FAM20A: variants seen among roughly 807,000 people sequenced by gnomAD.
FAM20A encodes the protein FAM20A golgi associated secretory pathway pseudokinase.
FAM20A carries 42 observed loss-of-function variants against 52.0 expected under a neutral mutation model. The ratio of observed to expected loss-of-function variants is 0.81; its 90% CI spans 0.63 to 1.04. The LOEUF is 1.04. Ranked by LOEUF, FAM20A falls within the 50% of genes least tolerant of loss-of-function variation. The probability of loss-of-function intolerance (pLI) is 0.00; values close to 1 mark genes in which losing one functional copy is unlikely to be tolerated. For missense variants in FAM20A, 742 were observed against 712.7 expected (o/e 1.04, Z -0.47); for synonymous variants, 304 against 298.9 (o/e 1.02, Z -0.18).
chr17:68,585,109 G>A (rs903275251), intron 1 of FAM20A, among the ~76,000 whole-genome samples: 4 of 152,082 alleles, frequency 2.6e-5, no homozygotes, highest in East Asian at 3.9e-4. Flanking sequence ...CCGCTGGCTC[G>A]CCTGTCACAG....
At chr17:68,568,916 A>C (rs59251979) in intron 1 of FAM20A, among the ~76,000 whole-genome samples, 27,022 of 146,140 alleles carry the variant, frequency 0.18, 2,656 homozygotes, top group East Asian at 0.36. Flanking sequence ...GGGTGGGAGC[A>C]GGGGTGGGGA....
rs1015114895 is a variant in FAM20A, at chr17:68,542,758, G to A, written c.864C>T (p.Val288=). The part of the protein sequence containing the change: ...VPPTVGRIVN[V]TKEILEVTKN... Reference sequence around the variant, plus strand: ...TGGTGACCTCTAGGATTTCCTTGGTGACATTTACTATCCTCCCCACTGTTG... The same window carrying A: ...TGGTGACCTCTAGGATTTCCTTGGTAACATTTACTATCCTCCCCACTGTTG... Residue 288 remains valine, a synonymous_variant, in exon 6 of 11, where the codon GTC becomes GTT. Transcript: ENST00000592554. 5 of 1,614,166 alleles carry A rather than the reference G, an allele frequency of 3.1e-6. No homozygotes were observed. Among genetic ancestry groups the A allele is most frequent in the Non-Finnish European group, 4.2e-6 (5 of 1,180,018 alleles).
At chr17:68,540,778 T>C (rs2086250854) in intron 8 of FAM20A, 71 bp downstream of exon 8, 11 of 1,542,480 alleles carry the variant, frequency 7.1e-6, no homozygotes, top group Non-Finnish European at 9.6e-6. Context: ...AAGTTTGTGC[T>C]CAAGGTCACG....
chr17:68,537,882 AC>A lies in FAM20A; in HGVS notation c.1362-142del. 1 of 995,884 alleles carries A rather than the reference AC, an allele frequency of 1.0e-6. No homozygotes were observed. The highest frequency in any genetic ancestry group is 1.5e-6 in the Non-Finnish European group (1 of 659,544). 61.7% of individuals were successfully genotyped at this position (995,884 alleles called of 1,614,324 possible). A position where few individuals can be genotyped will look rare whatever the true frequency, so the allele number is the denominator to read the frequency against. On this transcript the variant is annotated intron_variant, in intron 10 of 10. Transcript: ENST00000592554. The surrounding 1 kb of genome is among the most constrained non-coding windows in gnomAD (Gnocchi z 4.2). ...TCTTCTCAGGCACATTTTAATGGAAACCAGGTAAAAAGGGAACAAATGAAAG... is the reference window on the plus strand; with the variant it reads ...TCTTCTCAGGCACATTTTAATGGAAACAGGTAAAAAGGGAACAAATGAAAG...
chr17:68,567,156 G>A (rs2087399326), intron 1 of FAM20A, among the ~76,000 whole-genome samples: 1 of 151,818 alleles, frequency 6.6e-6, no homozygotes, highest in Non-Finnish European at 1.5e-5. Context: ...ATCTGTAAAG[G>A]ACAAGATAGC....
At chr17:68,590,142 A>G (rs975265433) in intron 1 of FAM20A, 6 of 152,206 alleles carry the variant, frequency 3.9e-5, no homozygotes, top group African/African-American at 1.4e-4. Context: ...ATATTTTTTC[A>G]AAGTGAAAAT....
chr17:68,554,099 T>C (rs1004209862), intron 3 of FAM20A, among the ~76,000 whole-genome samples: 3 of 147,412 alleles, frequency 2.0e-5, no homozygotes, highest in Admixed American at 2.0e-4. Context: ...TATACACACA[T>C]ATATATACAC....
At chr17:68,570,661 C>T (rs745566609) in intron 1 of FAM20A, among the ~76,000 whole-genome samples, 9 of 152,100 alleles carry the variant, frequency 5.9e-5, no homozygotes, top group African/African-American at 1.2e-4. Flanking sequence ...TAGGATGAAC[C>T]GAAATGATAA....
intron 1 of FAM20A, chr17:68,582,657 A>G (rs182273084): frequency 4.7e-4 from 72 of 151,878 alleles, no homozygotes; most frequent in Admixed American, 3.6e-3. Context: ...ACATGATCTG[A>G]CTCCATCTTC....
chr17:68,578,500 T>C (rs535199455), intron 1 of FAM20A, among the ~76,000 whole-genome samples: 1 of 152,342 alleles, frequency 6.6e-6, no homozygotes, highest in Non-Finnish European at 1.5e-5. Context: ...CTCCTCAGCA[T>C]GACCAGTCAC....
chr17:68,559,580 T>C (rs2087152036), intron 1 of FAM20A, among the ~76,000 whole-genome samples: 2 of 152,218 alleles, frequency 1.3e-5, no homozygotes, highest in African/African-American at 4.8e-5. Flanking sequence ...TTGGAAATAG[T>C]TTCCTAAAAA....
At position 68,541,176 on chromosome 17, in the gene FAM20A, T is replaced by C. The variant is rs932738112; in HGVS notation, c.1110-218A>G. The C allele has an allele frequency of 2.1e-5, 12 of 578,988 alleles. No individual in the cohort carries two copies. In the Admixed American group the frequency reaches 2.8e-4, roughly 14 times the overall value. The allele number at this position is 578,988 out of a possible 1,614,324, so 35.9% of individuals were successfully genotyped here. A position where few individuals can be genotyped will look rare whatever the true frequency, so the allele number is the denominator to read the frequency against. Reference sequence around the variant, plus strand: ...TGGGTCCTTTAAGTCTGGTGGACACTAAACCCATGGTTGGGATACTGTGTG... The same window carrying C: ...TGGGTCCTTTAAGTCTGGTGGACACCAAACCCATGGTTGGGATACTGTGTG... On this transcript the variant is annotated intron_variant, in intron 7 of 10. Coordinates refer to ENST00000592554, the MANE Select transcript of FAM20A (RefSeq NM_017565.4).
rs372864017 is a variant in FAM20A, at chr17:68,539,946, A to G, written c.1240T>C (p.Tyr414His). The change falls in exon 9 of 11, where the codon TAT becomes CAT. Residue 414 changes from tyrosine (Y) to histidine (H), a missense_variant. Tyr to His is a moderately conservative substitution (Grantham distance 83). Coordinates refer to ENST00000592554, the MANE Select transcript of FAM20A (RefSeq NM_017565.4). ...FLIGNMDRHH[Y>H]EMFTKFGDDG... ...TCCCCGAACTTGGTGAACATCTCAT[A>G]ATGGTGCCGGTCCATATTCCCTGTG... The G allele has an allele frequency of 5.1e-4, 829 of 1,614,144 alleles. 12 individuals are homozygous for G. In the South Asian group the frequency reaches 7.4e-3, roughly 14 times the overall value.
rs115157514 is a variant in FAM20A at position 68,564,586 on chromosome 17, T to C, written c.405-8843A>G. ...GAGACTGCAGATCATCCAAGGGACCTTGGAATCCTGCTGTAGCTTTTCTGT... is the reference window on the plus strand; with the variant it reads ...GAGACTGCAGATCATCCAAGGGACCCTGGAATCCTGCTGTAGCTTTTCTGT... On this transcript the variant is annotated intron_variant, in intron 1 of 10. Coordinates refer to ENST00000592554, the MANE Select transcript of FAM20A (RefSeq NM_017565.4). Among the ~76,000 whole-genome samples the C allele has an allele frequency of 7.9e-3, 1,201 of 152,328 alleles. 14 individuals carry two copies. Among genetic ancestry groups the C allele is most frequent in the African/African-American group, 0.028 (1,152 of 41,544 alleles).
In FAM20A at chr17:68,536,523, C is replaced by T. The variant is rs1366824346; in HGVS notation, c.*954G>A. 4.4e-6 allele frequency: 2 copies of T among 453,872 alleles called. No homozygotes were observed. The highest frequency in any genetic ancestry group is 4.0e-5 in the African/African-American group (2 of 49,968). 28.1% of individuals were successfully genotyped at this position (453,872 alleles called of 1,614,324 possible). A position where few individuals can be genotyped will look rare whatever the true frequency, so the allele number is the denominator to read the frequency against. ...AAACCTGACTTAGTCTTTTTTGAGC[C>T]AGCCGTCACAGGGAGGGGCATCTAG... On this transcript the variant is annotated 3_prime_UTR_variant, in exon 11 of 11. Transcript: ENST00000592554.
intron 1 of FAM20A, among the ~76,000 whole-genome samples, chr17:68,580,789 C>A (rs2014650200): frequency 6.6e-6 from 1 of 152,122 alleles, no homozygotes; most frequent in African/African-American, 2.4e-5. Context: ...CAGTTTTAAG[C>A]ACTTTGCTCT....
intron 1 of FAM20A, among the ~76,000 whole-genome samples, chr17:68,566,511 C>T (rs1226916657): frequency 6.6e-6 from 1 of 152,076 alleles, no homozygotes; most frequent in Non-Finnish European, 1.5e-5. Context: ...TATTTCGCTC[C>T]AAGTTGTGTA....
intron 1 of FAM20A, among the ~76,000 whole-genome samples, chr17:68,562,119 C>T (rs987390149): frequency 9.9e-5 from 15 of 152,204 alleles, no homozygotes; most frequent in African/African-American, 2.7e-4. Context: ...CCACCACGCC[C>T]GGCCCCCAGT....
At chr17:68,541,240 GTAGTGACCCTCACCTGCTTC>G in intron 7 of FAM20A, 1 of 437,916 alleles carries the variant, frequency 2.3e-6, no homozygotes, top group Non-Finnish European at 4.2e-6. Flanking sequence ...AAAGGAGGAG[GTAGTGACCCTCACCTGCTTC>G]CTCGTCCCTC....
Sources: gnomAD v4.1 joint callset for allele counts (sites outside exome capture counted in the v4.1 genomes callset) on GRCh38, gnomAD v4.1.1 for gene constraint, Gnocchi (gnomAD v3.1) non-coding constraint, MANE v1.5 for transcripts, NCBI Gene and HGNC (gene_info 2026-07-23, HGNC 2026-07-21) for gene names.